Variants in PIAS1 observed in about 807,000 individuals in gnomAD.
PIAS1 encodes the protein protein inhibitor of activated STAT 1, also known as E3 SUMO-protein ligase PIAS1.
Under a neutral mutation model 71.3 loss-of-function variants are expected in PIAS1, and 6 were observed. That is an observed-to-expected ratio of 0.08 (90% CI 0.05 to 0.17). The LOEUF (loss-of-function observed/expected upper bound fraction) is 0.17. PIAS1 is among the 10% of genes least tolerant of loss of function. The pLI is 1.00. For missense variants in PIAS1, 555 were observed against 793.6 expected (o/e 0.70, Z 3.61); for synonymous variants, 303 against 292.9 (o/e 1.03, Z -0.35).
rs188451649 is a variant in PIAS1, at chr15:68,181,689, C to T, written c.1624+335C>T. 186 of 188,774 alleles carry T rather than the reference C, an allele frequency of 9.9e-4. 1 individual carries two copies. The highest frequency in any genetic ancestry group is 4.2e-3 in the African/African-American group (179 of 42,128). The allele number at this position is 188,774 out of a possible 1,614,324, so 11.7% of individuals were successfully genotyped here. A position where few individuals can be genotyped will look rare whatever the true frequency, so the allele number is the denominator to read the frequency against. On this transcript the variant is annotated intron_variant, in intron 12 of 13. Coordinates refer to ENST00000249636, the MANE Select transcript of PIAS1 (RefSeq NM_016166.3). ...ATTTATGAACATTATTTTTTTTTGCCGTGGGGAACGGAGTCTTGCTCTGTT... is the reference window on the plus strand; with the variant it reads ...ATTTATGAACATTATTTTTTTTTGCTGTGGGGAACGGAGTCTTGCTCTGTT...
chr15:68,188,857 G>T lies in PIAS1; in HGVS notation c.*1022G>T, dbSNP rs1336862701. 6.6e-6 allele frequency: 1 copy of T among 152,124 alleles called. No homozygotes were observed. Among genetic ancestry groups the T allele is most frequent in the African/African-American group, 2.4e-5 (1 of 41,414 alleles). The allele number at this position is 152,124 out of a possible 1,614,324, so 9.4% of individuals were successfully genotyped here. ...AAAATAGCTTAGAAAGCTCTGTCAG[G>T]TGTTTTGTGCAGCTGACAGAGGTAA... On this transcript the variant is annotated 3_prime_UTR_variant, in exon 14 of 14. Transcript: ENST00000249636.
rs1468326528 is a variant in PIAS1 at position 68,190,384 on chromosome 15, C to T, written c.*2549C>T. The T allele has an allele frequency of 6.6e-6, 1 of 152,160 alleles. No individual in the cohort carries two copies. The highest frequency in any genetic ancestry group is 2.4e-5 in the African/African-American group (1 of 41,442). 9.4% of individuals were successfully genotyped at this position (152,160 alleles called of 1,614,324 possible). On this transcript the variant is annotated 3_prime_UTR_variant, in exon 14 of 14. Transcript: ENST00000249636. This position sits in a 1 kb window ranked among gnomAD's most constrained non-coding sequence, Gnocchi z 4.7. ...ACTCTGTTGGTCTCATGGTCAATAT[C>T]AATCAGACTTTCATGATCTCTACTA...
intron 2 of PIAS1, among the ~76,000 whole-genome samples, chr15:68,113,013 C>T (rs1192671289): frequency 7.2e-5 from 11 of 152,080 alleles, no homozygotes; most frequent in Non-Finnish European, 1.6e-4. Context: ...TGGTAGAATA[C>T]CAAGTAGCTA....
At chr15:68,114,388 C>T (rs1258343788) in intron 2 of PIAS1, among the ~76,000 whole-genome samples, 1 of 151,934 alleles carries the variant, frequency 6.6e-6, no homozygotes, top group Non-Finnish European at 1.5e-5. Flanking sequence ...TTGGAGAAAA[C>T]ATATTTTCTG....
At chr15:68,181,187 C>A (rs1437729165) in intron 11 of PIAS1, 25 bp from the exon 12 acceptor site, 2 of 1,608,024 alleles carry the variant, frequency 1.2e-6, no homozygotes, top group Non-Finnish European at 1.7e-6. Flanking sequence ...CTAATGAAAA[C>A]TATGCCAATC....
intron 1 of PIAS1, among the ~76,000 whole-genome samples, chr15:68,068,208 A>G (rs1340656371): frequency 6.6e-6 from 1 of 152,110 alleles, no homozygotes; most frequent in Non-Finnish European, 1.5e-5. Context: ...ACCTGTGTCT[A>G]CAAAAAAATA....
At chr15:68,131,770 A>T (rs1345604729) in intron 2 of PIAS1, among the ~76,000 whole-genome samples, 1 of 152,140 alleles carries the variant, frequency 6.6e-6, no homozygotes, top group Non-Finnish European at 1.5e-5. Flanking sequence ...ATGAACACTT[A>T]GGTTGATTCC....
At chr15:68,132,661 T>C (rs1481580674) in intron 2 of PIAS1, among the ~76,000 whole-genome samples, 1 of 152,156 alleles carries the variant, frequency 6.6e-6, no homozygotes, top group African/African-American at 2.4e-5. Context: ...AGGGAAGGTT[T>C]ATCTGCAAAT....
At chr15:68,098,795 A>G (rs985441511) in intron 2 of PIAS1, among the ~76,000 whole-genome samples, 2 of 152,158 alleles carry the variant, frequency 1.3e-5, no homozygotes, top group African/African-American at 4.8e-5. Flanking sequence ...GTTGGTCAAC[A>G]TTTGGGTAGT....
intron 1 of PIAS1, among the ~76,000 whole-genome samples, chr15:68,071,755 C>T (rs1207802066): frequency 2.0e-5 from 3 of 150,702 alleles, no homozygotes; most frequent in Admixed American, 6.6e-5. Flanking sequence ...CACTTGAGCC[C>T]TGGAGTTTGA....
chr15:68,113,046 GTTTA>G (rs1415584600), intron 2 of PIAS1, among the ~76,000 whole-genome samples: 1 of 152,030 alleles, frequency 6.6e-6, no homozygotes, highest in Non-Finnish European at 1.5e-5. Context: ...ACATTGGTTT[GTTTA>G]TTTATTTGAA....
chr15:68,144,667 A>G (rs2092795789), intron 4 of PIAS1, among the ~76,000 whole-genome samples: 1 of 152,118 alleles, frequency 6.6e-6, no homozygotes, highest in Admixed American at 6.6e-5. Flanking sequence ...TGCTGGGGTT[A>G]GGAGTGGTCC....
chr15:68,192,932 T>C lies in PIAS1; in HGVS notation c.*5097T>C, dbSNP rs1293482896. On this transcript the variant is annotated 3_prime_UTR_variant, in exon 14 of 14. Transcript: ENST00000249636. ...CTACGAATGATCCAGATTTGACAAG[T>C]GTATGGCACCTCTGAATCTCTGGCA... is the stretch of plus-strand genomic sequence containing the variant. 6.6e-6 allele frequency: 1 copy of C among 152,222 alleles called. No homozygotes were observed. Among genetic ancestry groups the C allele is most frequent in the Non-Finnish European group, 1.5e-5 (1 of 68,076 alleles). 9.4% of individuals were successfully genotyped at this position (152,222 alleles called of 1,614,324 possible).
rs118114191 is a variant in PIAS1, at chr15:68,064,340, A to G, written c.24+9990A>G. Among the ~76,000 whole-genome samples the G allele has an allele frequency of 8.5e-3, 1,288 of 152,296 alleles. 92 individuals are homozygous for G. The East Asian group carries it at 0.18, about 21-fold the overall frequency. ...GAGCTTGACAGTTTCCCAATACTTG[A>G]CTTTTTTGATAAGATCAGTGTGATA... On this transcript the variant is annotated intron_variant, in intron 1 of 13. Coordinates refer to ENST00000249636, the MANE Select transcript of PIAS1 (RefSeq NM_016166.3).
rs546795838 is a variant in PIAS1 at position 68,132,844 on chromosome 15, A to C, written c.470-9102A>C. ...GAAATACTCATTTTTGCTCAGTTTT[A>C]TCTTTTGAATTTGATTTAAACGTAA... On this transcript the variant is annotated intron_variant, in intron 2 of 13. Coordinates refer to ENST00000249636, the MANE Select transcript of PIAS1 (RefSeq NM_016166.3). 3.9e-5 allele frequency among the ~76,000 whole-genome samples: 6 copies of C among 152,280 alleles called. No individual in the cohort carries two copies. The East Asian group carries it at 1.2e-3, about 29-fold the overall frequency.
intron 2 of PIAS1, among the ~76,000 whole-genome samples, chr15:68,138,854 A>G (rs1323454202): frequency 6.6e-6 from 1 of 152,162 alleles, no homozygotes; most frequent in African/African-American, 2.4e-5. Flanking sequence ...TAATTCTGAA[A>G]TCTTTACTAA....
At chr15:68,071,128 C>T (rs1472617074) in intron 1 of PIAS1, among the ~76,000 whole-genome samples, 1 of 152,030 alleles carries the variant, frequency 6.6e-6, no homozygotes, top group Non-Finnish European at 1.5e-5. Flanking sequence ...GACATTGAGG[C>T]TTATTTTCAT....
chr15:68,161,579 G>A (rs537336363), intron 7 of PIAS1, among the ~76,000 whole-genome samples: 3 of 150,790 alleles, frequency 2.0e-5, no homozygotes, highest in Admixed American at 6.6e-5. Context: ...TATATAAATC[G>A]TGTTTTATTT....
At chr15:68,138,032 G>A (rs183358479) in intron 2 of PIAS1, among the ~76,000 whole-genome samples, 1 of 152,150 alleles carries the variant, frequency 6.6e-6, no homozygotes, top group Admixed American at 6.5e-5. Flanking sequence ...CTATTGTAGT[G>A]CCAGCTACTG....
Sources: gnomAD v4.1 joint callset for allele counts (sites outside exome capture counted in the v4.1 genomes callset) on GRCh38, gnomAD v4.1.1 for gene constraint, Gnocchi (gnomAD v3.1) non-coding constraint, MANE v1.5 for transcripts, NCBI Gene and HGNC (gene_info 2026-07-23, HGNC 2026-07-21) for gene names.